The following COL4A1 variants were observed in gnomAD, a reference collection of about 807,000 sequenced individuals.
COL4A1 encodes collagen alpha-1(IV) chain.
COL4A1 carries 40 observed loss-of-function variants against 216.6 expected under a neutral mutation model. The observed-to-expected ratio is 0.18, with a 90% confidence interval of 0.14 to 0.24. The LOEUF (loss-of-function observed/expected upper bound fraction) is 0.24, where lower values mean the gene tolerates loss of function less well. COL4A1 is among the 10% of genes least tolerant of loss of function. The probability of loss-of-function intolerance (pLI) is 1.00; values close to 1 mark genes in which losing one functional copy is unlikely to be tolerated. For synonymous variants in COL4A1, 839 were observed against 810.7 expected (o/e 1.03, Z -0.59); for missense variants, 1,628 against 2,196.8 (o/e 0.74, Z 5.18).
intron 1 of COL4A1, among the ~76,000 whole-genome samples, chr13:110,286,442 G>C (rs1232568071): frequency 6.6e-6 from 1 of 152,234 alleles, no homozygotes; most frequent in Non-Finnish European, 1.5e-5. Context: ...TCAGGGTCCA[G>C]AGCCTTGTGT....
chr13:110,172,189 G>A (rs57521368), intron 41 of COL4A1, among the ~76,000 whole-genome samples: 3,372 of 152,280 alleles, frequency 0.022, 94 homozygotes, highest in African/African-American at 0.074. Flanking sequence ...CTTCAGTGTC[G>A]TGCAGCTCAC....
intron 37 of COL4A1, 65 bp from the exon 38 acceptor site, chr13:110,174,814 T>A: frequency 7.0e-7 from 1 of 1,423,150 alleles, no homozygotes; most frequent in Non-Finnish European, 9.9e-7. Context: ...GTAGGCATGT[T>A]ATAGATAATG....
intron 1 of COL4A1, among the ~76,000 whole-genome samples, chr13:110,267,444 C>T (rs1038844893): frequency 1.3e-5 from 2 of 152,132 alleles, no homozygotes; most frequent in African/African-American, 4.8e-5. Flanking sequence ...CTCTAAAGCA[C>T]CTTCTGGTGG....
At chr13:110,177,552 T>C (rs548581333) in intron 33 of COL4A1, among the ~76,000 whole-genome samples, 3 of 152,340 alleles carry the variant, frequency 2.0e-5, no homozygotes, top group Admixed American at 2.0e-4. Flanking sequence ...CCCTGTATCT[T>C]GGCATGGCTG....
At chr13:110,285,601 G>C (rs1883810501) in intron 1 of COL4A1, among the ~76,000 whole-genome samples, 1 of 152,166 alleles carries the variant, frequency 6.6e-6, no homozygotes, top group Admixed American at 6.6e-5. Flanking sequence ...ATGAACATTT[G>C]AACTGGTGCA....
chr13:110,239,771 CTT>C (rs1881475754), intron 2 of COL4A1, among the ~76,000 whole-genome samples: 1 of 152,186 alleles, frequency 6.6e-6, no homozygotes, highest in Non-Finnish European at 1.5e-5. Flanking sequence ...CACTTCTTCT[CTT>C]GACCTGCCAG....
At position 110,149,496 on chromosome 13, in the gene COL4A1, T is replaced by C. The variant is rs1458870429; in HGVS notation, c.*867A>G. 6.6e-6 allele frequency: 1 copy of C among 152,660 alleles called. No homozygotes were observed. The highest frequency in any genetic ancestry group is 1.5e-5 in the Non-Finnish European group (1 of 68,050). 9.5% of individuals were successfully genotyped at this position (152,660 alleles called of 1,614,324 possible). A position where few individuals can be genotyped will look rare whatever the true frequency, so the allele number is the denominator to read the frequency against. Reference sequence around the variant, plus strand: ...ACATGTTTCACTATAATAGACACCATATTCATGAACCTGGGTTTGGTTTTG... The same window carrying C: ...ACATGTTTCACTATAATAGACACCACATTCATGAACCTGGGTTTGGTTTTG... On this transcript the variant is annotated 3_prime_UTR_variant, in exon 52 of 52. Transcript: ENST00000375820.
rs766580638 is a variant in COL4A1, at chr13:110,163,524, A to T, written c.4188T>A (p.Gly1396=). The T allele has an allele frequency of 6.2e-7, 1 of 1,614,128 alleles. No homozygotes were observed. Among genetic ancestry groups the T allele is most frequent in the East Asian group, 2.2e-5 (1 of 44,878 alleles). ...TGLVGIPGPP[G]IPGFDGAPGQ... Reference sequence around the variant, plus strand: ...CAGGGGCACCGTCAAACCCAGGAATACCTGGAGGTCCAGGTATACCCACCA... The same window carrying T: ...CAGGGGCACCGTCAAACCCAGGAATTCCTGGAGGTCCAGGTATACCCACCA... Residue 1396 remains glycine (G), a synonymous_variant, in exon 47 of 52, where the codon GGT becomes GGA. Coordinates refer to ENST00000375820, the MANE Select transcript of COL4A1 (RefSeq NM_001845.6).
chr13:110,151,166 C>T (rs1200785520), intron 51 of COL4A1, among the ~76,000 whole-genome samples: 1 of 152,070 alleles, frequency 6.6e-6, no homozygotes, highest in Non-Finnish European at 1.5e-5. Context: ...ATGAGAGTGC[C>T]TCATCCTAAA....
At chr13:110,287,479 C>T (rs912943604) in intron 1 of COL4A1, among the ~76,000 whole-genome samples, 1 of 152,188 alleles carries the variant, frequency 6.6e-6, no homozygotes, top group Non-Finnish European at 1.5e-5. Flanking sequence ...AGCCAAGACT[C>T]GGTTTTTCCA....
At chr13:110,272,455 C>A (rs917697966) in intron 1 of COL4A1, among the ~76,000 whole-genome samples, 2 of 152,298 alleles carry the variant, frequency 1.3e-5, no homozygotes, top group African/African-American at 4.8e-5. Context: ...CACAGAGCAA[C>A]CCCTAAACCC....
intron 21 of COL4A1, among the ~76,000 whole-genome samples, chr13:110,196,378 T>A (rs1479898187): frequency 4.6e-5 from 7 of 152,180 alleles, no homozygotes; most frequent in Non-Finnish European, 2.9e-5. Context: ...GGACTCCATG[T>A]TTATGCTTCA....
chr13:110,183,143 A>C (rs1192409759), intron 27 of COL4A1, 41 bp downstream of exon 27: 1 of 1,612,618 alleles, frequency 6.2e-7, no homozygotes, highest in Non-Finnish European at 8.5e-7. Flanking sequence ...AACGTGAGGA[A>C]ACTCTCGTGG....
At chr13:110,297,914 T>C (rs964478340) in intron 1 of COL4A1, among the ~76,000 whole-genome samples, 36 of 151,330 alleles carry the variant, frequency 2.4e-4, no homozygotes, top group African/African-American at 8.8e-4. Flanking sequence ...TGTTTTACTT[T>C]CGCTGATGTA....
In COL4A1 at chr13:110,175,224, A is replaced by G. The variant is rs1156301386; in HGVS notation, c.3192T>C (p.Gly1064=). ...CACGCAGAGCGCTGGTTACCTTTTC[A>G]CCTCGCAGCCCTGGGATGCCTATGC... ...PPGIGIPGLR[G]EKGDQGIAGF... Residue 1064 remains glycine, a synonymous_variant, in exon 37 of 52, where the codon GGT becomes GGC. Coordinates refer to ENST00000375820, the MANE Select transcript of COL4A1 (RefSeq NM_001845.6). The G allele has an allele frequency of 1.2e-6, 2 of 1,614,154 alleles. No homozygotes were observed. Among genetic ancestry groups the G allele is most frequent in the Admixed American group, 3.3e-5 (2 of 60,022 alleles).
chr13:110,155,201 G>T, intron 50 of COL4A1, 82 bp downstream of exon 50: 2 of 966,356 alleles, frequency 2.1e-6, no homozygotes, highest in Non-Finnish European at 3.4e-6. Context: ...GAACTCCAAG[G>T]TGTGGAGGCA....
intron 1 of COL4A1, among the ~76,000 whole-genome samples, chr13:110,244,597 T>C (rs7319995): frequency 0.21 from 31,732 of 152,152 alleles, 3,961 homozygotes; most frequent in African/African-American, 0.34. Flanking sequence ...ACTCAGCCAG[T>C]ACTACCATGT....
rs1566378222 is a variant in COL4A1, at chr13:110,211,838, A to T, written c.441+31T>A. 6.2e-7 allele frequency: 1 copy of T among 1,612,942 alleles called. No homozygotes were observed. Among genetic ancestry groups the T allele is most frequent in the Admixed American group, 1.7e-5 (1 of 60,018 alleles). The stretch of plus-strand genomic sequence containing the variant: ...AAGAGAGAAGTCATAACTAAAAGAA[A>T]GAAGTTCTGCCCTAAATAACCTCTA... On this transcript the variant is annotated intron_variant, in intron 7 of 51. Coordinates refer to ENST00000375820, the MANE Select transcript of COL4A1 (RefSeq NM_001845.6). The surrounding 1 kb of genome is among the most constrained non-coding windows in gnomAD (Gnocchi z 4.3).
chr13:110,180,390 A>G (rs1168106562), intron 29 of COL4A1, among the ~76,000 whole-genome samples: 1 of 152,228 alleles, frequency 6.6e-6, no homozygotes, highest in Non-Finnish European at 1.5e-5. Context: ...CCACCAGAGG[A>G]GGGCACCCTG....
Sources: allele counts gnomAD v4.1 joint callset (sites outside exome capture counted in the v4.1 genomes callset), GRCh38; gene constraint gnomAD v4.1.1; non-coding constraint Gnocchi (gnomAD v3.1); transcripts MANE v1.5; gene names NCBI Gene and HGNC (gene_info 2026-07-23, HGNC 2026-07-21).